PABIR1: variants seen among roughly 807,000 people sequenced by gnomAD.
The protein encoded by PABIR1 is PP2A Aalpha (PPP2R1A) and B55A (PPP2R2A) interacting phosphatase regulator 1, also known as PPP2R1A-PPP2R2A-interacting phosphatase regulator 1.
PABIR1 carries 2 observed loss-of-function variants against 14.6 expected under a neutral mutation model. The observed-to-expected ratio is 0.14, with a 90% CI of 0.06 to 0.43. The LOEUF (loss-of-function observed/expected upper bound fraction) is 0.43. Ranked by LOEUF, PABIR1 falls within the 20% of genes least tolerant of loss-of-function variation. The pLI, the probability that PABIR1 is intolerant of heterozygous loss-of-function variation, is 0.99. For missense variants in PABIR1, 294 were observed against 379.0 expected, an observed-to-expected ratio of 0.78 and a Z score of 1.86; for synonymous variants, 163 against 155.4, an observed-to-expected ratio of 1.05 and a Z score of -0.36.
chr9:68,780,214 G>C lies in PABIR1; in HGVS notation c.50G>C (p.Gly17Ala). Residue 17 changes from glycine to alanine, a missense_variant, in exon 1 of 1, where the codon GGC (glycine) becomes GCC (alanine). By Grantham distance (60) the Gly-to-Ala change is moderately conservative (BLOSUM62 0). Coordinates refer to ENST00000394264, the MANE Select transcript of PABIR1 (RefSeq NM_138333.5). ...ELDLELPPGTGGSPAEGGGSG... is the reference protein window; with the variant it reads ...ELDLELPPGTAGSPAEGGGSG... ...GACCTGGAGCTGCCTCCGGGTACGG[G>C]CGGGAGCCCGGCGGAGGGCGGTGGC... The C allele has an allele frequency of 6.5e-7, 1 of 1,540,702 alleles. No individual in the cohort carries two copies. Among genetic ancestry groups the C allele is most frequent in the Non-Finnish European group, 8.7e-7 (1 of 1,150,230 alleles).
In PABIR1 at chr9:68,783,657, G is replaced by A. The variant is rs3184170; in HGVS notation, c.*2629G>A. On this transcript the variant is annotated 3_prime_UTR_variant, in exon 1 of 1. Transcript: ENST00000394264. Reference sequence around the variant, plus strand: ...TTCCCCATATCTAATCATTCCTCAAGTCTTACTGATTTTTATCAGCTAGAA... The same window carrying A: ...TTCCCCATATCTAATCATTCCTCAAATCTTACTGATTTTTATCAGCTAGAA... 9 of 166,860 alleles carry A rather than the reference G, an allele frequency of 5.4e-5. No individual in the cohort carries two copies. The highest frequency in any genetic ancestry group is 2.6e-4 in the Admixed American group (4 of 15,278). 10.3% of individuals were successfully genotyped at this position (166,860 alleles called of 1,614,324 possible).
Position 68,785,288 on chromosome 9 carries a change from T to TA in PABIR1, c.*4261dup, listed in dbSNP as rs1247436995. Among the ~76,000 whole-genome samples the TA allele has an allele frequency of 6.6e-6, 1 of 152,208 alleles. No individual in the cohort carries two copies. Among genetic ancestry groups the TA allele is most frequent in the Admixed American group, 6.5e-5 (1 of 15,280 alleles). ...GACTAGACCACTTTTTTCAGGGCTT[T>TA]ACCTTATCAGCCATGACAAAGTATA... On this transcript the variant is annotated 3_prime_UTR_variant, in exon 1 of 1. Coordinates refer to ENST00000394264, the MANE Select transcript of PABIR1 (RefSeq NM_138333.5).
Position 68,780,288 on chromosome 9 carries a change from C to G in PABIR1, c.124C>G (p.His42Asp). The G allele has an allele frequency of 6.3e-7, 1 of 1,590,896 alleles. No individual in the cohort carries two copies. Among genetic ancestry groups the G allele is most frequent in the Non-Finnish European group, 8.6e-7 (1 of 1,169,116 alleles). The change falls in exon 1 of 1, where the codon CAC becomes GAC. Residue 42 changes from histidine to aspartate, a missense_variant. Physicochemically the swap from His to Asp is moderately conservative, Grantham distance 81. Transcript: ENST00000394264. Reference sequence around the variant, plus strand: ...GAGGTCTAACAGCGCCCCCCTGATCCACGGCCTCAGTGACACTTCGCCGGT... The same window carrying G: ...GAGGTCTAACAGCGCCCCCCTGATCGACGGCCTCAGTGACACTTCGCCGGT... Reference protein sequence around the residue: ...LRRSNSAPLIHGLSDTSPVFQ... With the variant: ...LRRSNSAPLIDGLSDTSPVFQ...
In PABIR1 at chr9:68,780,829, C is replaced by G; in HGVS notation, c.665C>G (p.Thr222Ser). The G allele has an allele frequency of 6.2e-7, 1 of 1,614,226 alleles. No individual in the cohort carries two copies. The highest frequency in any genetic ancestry group is 8.5e-7 in the Non-Finnish European group (1 of 1,180,046). The change falls in exon 1 of 1, where the codon ACC becomes AGC. Residue 222 changes from threonine to serine, a missense_variant. Physicochemically the swap from Thr to Ser is moderately conservative, Grantham distance 58. This residue lies in a region of PABIR1 where 95 missense variants were observed against 100.8 expected (regional missense o/e 0.94). Transcript: ENST00000394264. ...YQPKRFFQGI[T>S]NMLSSDVAQL... Reference sequence around the variant, plus strand: ...CCAAAGAGATTTTTCCAGGGCATCACCAACATGCTTTCTTCTGACGTTGCA... The same window carrying G: ...CCAAAGAGATTTTTCCAGGGCATCAGCAACATGCTTTCTTCTGACGTTGCA...
rs1831449816 is a variant in PABIR1, at chr9:68,783,867, A to G, written c.*2839A>G. 1 of 167,076 alleles carries G rather than the reference A, an allele frequency of 6.0e-6. No homozygotes were observed. The highest frequency in any genetic ancestry group is 1.5e-5 in the Non-Finnish European group (1 of 68,156). 10.3% of individuals were successfully genotyped at this position (167,076 alleles called of 1,614,324 possible). On this transcript the variant is annotated 3_prime_UTR_variant, in exon 1 of 1. Coordinates refer to ENST00000394264, the MANE Select transcript of PABIR1 (RefSeq NM_138333.5). ...TTAAAATTGCGGACCTGATCCTTCC[A>G]TCTCCCAGCTGAACGCTTTTCATTT...
Position 68,780,669 on chromosome 9 carries a change from G to A in PABIR1, c.505G>A (p.Gly169Arg), listed in dbSNP as rs1421543807. The A allele has an allele frequency of 6.2e-7, 1 of 1,614,188 alleles. No homozygotes were observed. Among genetic ancestry groups the A allele is most frequent in the Admixed American group, 1.7e-5 (1 of 60,012 alleles). The change falls in exon 1 of 1, where the codon GGA (glycine) becomes AGA (arginine). Residue 169 changes from glycine to arginine, a missense_variant. By Grantham distance (125) the Gly-to-Arg change is moderately radical. Around this residue, in one of 3 missense-constraint regions of PABIR1, gnomAD observed 103 missense variants for 175.9 expected, o/e 0.59. Coordinates refer to ENST00000394264, the MANE Select transcript of PABIR1 (RefSeq NM_138333.5). ...CTTGCAAAGTTTTGTAAGTAGCAAC[G>A]GATTGCCTCCAAGCCCTATTCCCAG... The part of the protein sequence containing the change: ...PSLQSFVSSN[G>R]LPPSPIPSPT...
Position 68,780,976 on chromosome 9 carries a change from C to G in PABIR1, c.812C>G (p.Pro271Arg). ...ACTACCACCGACTCTCCTGTGTCACCTGCCCAAGCGGCTTCTCCATTTATT... is the reference window on the plus strand; with the variant it reads ...ACTACCACCGACTCTCCTGTGTCACGTGCCCAAGCGGCTTCTCCATTTATT... Reference protein sequence around the residue: ...VSTTTDSPVSPAQAASPFIPL... With the variant: ...VSTTTDSPVSRAQAASPFIPL... The change falls in exon 1 of 1, where the codon CCT (proline) becomes CGT (arginine). Residue 271 changes from proline to arginine, a missense_variant. By Grantham distance (103) the Pro-to-Arg change is moderately radical. Coordinates refer to ENST00000394264, the MANE Select transcript of PABIR1 (RefSeq NM_138333.5). The G allele has an allele frequency of 6.2e-7, 1 of 1,614,236 alleles. No individual in the cohort carries two copies. Among genetic ancestry groups the G allele is most frequent in the Non-Finnish European group, 8.5e-7 (1 of 1,180,046 alleles).
In PABIR1 at chr9:68,783,973, C is replaced by A. The variant is rs1267557329; in HGVS notation, c.*2945C>A. On this transcript the variant is annotated 3_prime_UTR_variant, in exon 1 of 1. Coordinates refer to ENST00000394264, the MANE Select transcript of PABIR1 (RefSeq NM_138333.5). ...GAGGAATTTGGTCCTTCCCTCCTCC[C>A]CCCTCGTTTTCTGTGCTTCGCCCTC... The A allele has an allele frequency of 6.0e-6, 1 of 167,164 alleles. No homozygotes were observed. Among genetic ancestry groups the A allele is most frequent in the Admixed American group, 6.5e-5 (1 of 15,290 alleles). The allele number at this position is 167,164 out of a possible 1,614,324, so 10.4% of individuals were successfully genotyped here.
At position 68,780,089 on chromosome 9, in the gene PABIR1, G is replaced by T; in HGVS notation, c.-76G>T. The T allele has an allele frequency of 3.3e-5, 45 of 1,367,480 alleles. No homozygotes were observed. The highest frequency in any genetic ancestry group is 2.8e-4 in the Middle Eastern group (1 of 3,554). The allele number at this position is 1,367,480 out of a possible 1,614,324, so 84.7% of individuals were successfully genotyped here. On this transcript the variant is annotated 5_prime_UTR_variant, in exon 1 of 1. Coordinates refer to ENST00000394264, the MANE Select transcript of PABIR1 (RefSeq NM_138333.5). The stretch of plus-strand genomic sequence containing the variant: ...CAGATTCTCGGTGGCGGCGGCAGCG[G>T]CGGCGGCCCTGGACTGCGGGGAATG...
chr9:68,781,196 T>C lies in PABIR1; in HGVS notation c.*168T>C. 3.5e-6 allele frequency: 3 copies of C among 853,150 alleles called. No homozygotes were observed. Among genetic ancestry groups the C allele is most frequent in the East Asian group, 2.6e-5 (1 of 38,310 alleles). The allele number at this position is 853,150 out of a possible 1,614,324, so 52.8% of individuals were successfully genotyped here. ...CTAGAGAACTTCTATGTCAGGTTCC[T>C]TTGGATACCCTTGAATTCAGTGTAG... is the stretch of plus-strand genomic sequence containing the variant. On this transcript the variant is annotated 3_prime_UTR_variant, in exon 1 of 1. Coordinates refer to ENST00000394264, the MANE Select transcript of PABIR1 (RefSeq NM_138333.5).
Position 68,780,081 on chromosome 9 carries a change from C to T in PABIR1, c.-84C>T, listed in dbSNP as rs918424948. 7 of 1,421,868 alleles carry T rather than the reference C, an allele frequency of 4.9e-6. No homozygotes were observed. Among genetic ancestry groups the T allele is most frequent in the South Asian group, 1.7e-5 (1 of 60,362 alleles). 88.1% of individuals were successfully genotyped at this position (1,421,868 alleles called of 1,614,324 possible). On this transcript the variant is annotated 5_prime_UTR_variant, in exon 1 of 1. Coordinates refer to ENST00000394264, the MANE Select transcript of PABIR1 (RefSeq NM_138333.5). ...CCCGCTGACAGATTCTCGGTGGCGG[C>T]GGCAGCGGCGGCGGCCCTGGACTGC... is the stretch of plus-strand genomic sequence containing the variant.
Position 68,780,986 on chromosome 9 carries a change from G to T in PABIR1, c.822G>T (p.Ala274=). 6.2e-7 allele frequency: 1 copy of T among 1,614,050 alleles called. No homozygotes were observed. The highest frequency in any genetic ancestry group is 8.5e-7 in the Non-Finnish European group (1 of 1,179,986). ...ACTCTCCTGTGTCACCTGCCCAAGCGGCTTCTCCATTTATTCCACTAGATG... is the reference window on the plus strand; with the variant it reads ...ACTCTCCTGTGTCACCTGCCCAAGCTGCTTCTCCATTTATTCCACTAGATG... ...TTDSPVSPAQ[A]ASPFIPLDEL... The change falls in exon 1 of 1, where the codon GCG becomes GCT. Residue 274 remains alanine (A), a synonymous_variant. Coordinates refer to ENST00000394264, the MANE Select transcript of PABIR1 (RefSeq NM_138333.5).
Position 68,780,960 on chromosome 9 carries a change from G to A in PABIR1, c.796G>A (p.Asp266Asn), listed in dbSNP as rs553552838. The change falls in exon 1 of 1, where the codon GAC becomes AAC. Residue 266 changes from aspartate to asparagine, a missense_variant. By Grantham distance (23) the Asp-to-Asn change is conservative. Around this residue, in one of 3 missense-constraint regions of PABIR1, gnomAD observed 95 missense variants for 100.8 expected, o/e 0.94. Transcript: ENST00000394264. ...NSPAKVSTTT[D>N]SPVSPAQAAS... The stretch of plus-strand genomic sequence containing the variant: ...ACCAGCGAAAGTCAGCACTACCACC[G>A]ACTCTCCTGTGTCACCTGCCCAAGC... 3.7e-6 allele frequency: 6 copies of A among 1,614,124 alleles called. No individual in the cohort carries two copies. The South Asian group carries it at 5.5e-5, about 15-fold the overall frequency.
At position 68,780,893 on chromosome 9, in the gene PABIR1, C is replaced by A. The variant is rs1177070919; in HGVS notation, c.729C>A (p.Thr243=). The A allele has an allele frequency of 6.2e-7, 1 of 1,614,104 alleles. No individual in the cohort carries two copies. Among genetic ancestry groups the A allele is most frequent in the Non-Finnish European group, 8.5e-7 (1 of 1,180,032 alleles). ...SDPGVCVSSD[T]LDGNSSSAGS... is the part of the protein sequence containing the mutation. Reference sequence around the variant, plus strand: ...CTGGTGTGTGTGTATCTTCGGATACCCTTGATGGAAACAGCAGCAGTGCCG... The same window carrying A: ...CTGGTGTGTGTGTATCTTCGGATACACTTGATGGAAACAGCAGCAGTGCCG... The change falls in exon 1 of 1, where the codon ACC becomes ACA. Residue 243 remains threonine (T), a synonymous_variant. Transcript: ENST00000394264.
chr9:68,784,774 TGGAAA>T lies in PABIR1; in HGVS notation c.*3750_*3754del, dbSNP rs1012359423. Among the ~76,000 whole-genome samples the T allele has an allele frequency of 1.4e-4, 21 of 152,276 alleles. No individual in the cohort carries two copies. Among genetic ancestry groups the T allele is most frequent in the African/African-American group, 5.1e-4 (21 of 41,548 alleles). On this transcript the variant is annotated 3_prime_UTR_variant, in exon 1 of 1. Coordinates refer to ENST00000394264, the MANE Select transcript of PABIR1 (RefSeq NM_138333.5). ...AGAGAACAGAAGAAAGAGTTGGCCT[TGGAAA>T]GGAGGTCTGGAAACTTATTTTTCTT...
In PABIR1 at chr9:68,783,837, T is replaced by G. The variant is rs927810322; in HGVS notation, c.*2809T>G. 6 of 167,132 alleles carry G rather than the reference T, an allele frequency of 3.6e-5. No homozygotes were observed. Among genetic ancestry groups the G allele is most frequent in the African/African-American group, 1.4e-4 (6 of 41,476 alleles). The allele number at this position is 167,132 out of a possible 1,614,324, so 10.4% of individuals were successfully genotyped here. On this transcript the variant is annotated 3_prime_UTR_variant, in exon 1 of 1. Coordinates refer to ENST00000394264, the MANE Select transcript of PABIR1 (RefSeq NM_138333.5). Reference sequence around the variant, plus strand: ...ATTCTCCATACAGCAACTAGAGTCATTCTTTTAAAATTGCGGACCTGATCC... The same window carrying G: ...ATTCTCCATACAGCAACTAGAGTCAGTCTTTTAAAATTGCGGACCTGATCC...
Position 68,780,548 on chromosome 9 carries a change from G to A in PABIR1, c.384G>A (p.Val128=). The change falls in exon 1 of 1, where the codon GTG becomes GTA. Residue 128 remains valine (V), a synonymous_variant. Transcript: ENST00000394264. Reference sequence around the variant, plus strand: ...GTTTCAGCCTGAGTGACAACGACGTGGAGAAATCCGCCTCCCCCAAGCGCA... The same window carrying A: ...GTTTCAGCCTGAGTGACAACGACGTAGAGAAATCCGCCTCCCCCAAGCGCA... ...EESFSLSDND[V]EKSASPKRID... 6.2e-7 allele frequency: 1 copy of A among 1,614,176 alleles called. No homozygotes were observed. Among genetic ancestry groups the A allele is most frequent in the Non-Finnish European group, 8.5e-7 (1 of 1,180,034 alleles).
In PABIR1 at chr9:68,780,097, C is replaced by CG; in HGVS notation, c.-68_-67insG. On this transcript the variant is annotated 5_prime_UTR_variant, in exon 1 of 1. Coordinates refer to ENST00000394264, the MANE Select transcript of PABIR1 (RefSeq NM_138333.5). ...CGGTGGCGGCGGCAGCGGCGGCGGCCCTGGACTGCGGGGAATGGGAATCCT... is the reference window on the plus strand; with the variant it reads ...CGGTGGCGGCGGCAGCGGCGGCGGCCGCTGGACTGCGGGGAATGGGAATCCT... The CG allele has an allele frequency of 6.9e-7, 1 of 1,458,194 alleles. No homozygotes were observed. Among genetic ancestry groups the CG allele is most frequent in the Non-Finnish European group, 9.0e-7 (1 of 1,110,372 alleles). The allele number at this position is 1,458,194 out of a possible 1,614,324, so 90.3% of individuals were successfully genotyped here.
At position 68,781,483 on chromosome 9, in the gene PABIR1, T is replaced by C. The variant is rs1831272319; in HGVS notation, c.*455T>C. ...TGCCGATTTCCATTTGATGAAGAAC[T>C]ATACAGCTTAAAAAAATACGTTAGT... On this transcript the variant is annotated 3_prime_UTR_variant, in exon 1 of 1. Transcript: ENST00000394264. 5.8e-6 allele frequency: 1 copy of C among 172,498 alleles called. No homozygotes were observed. Among genetic ancestry groups the C allele is most frequent in the Admixed American group, 6.2e-5 (1 of 16,084 alleles). The allele number at this position is 172,498 out of a possible 1,614,324, so 10.7% of individuals were successfully genotyped here.
Sources: allele counts gnomAD v4.1 joint callset (sites outside exome capture counted in the v4.1 genomes callset), GRCh38; gene constraint gnomAD v4.1.1; regional missense constraint gnomAD v4.1.1; transcripts MANE v1.5; gene names NCBI Gene and HGNC (gene_info 2026-07-23, HGNC 2026-07-21).